The following ADCY5 variants were observed in gnomAD, a reference collection of about 807,000 sequenced individuals.
ADCY5 encodes adenylate cyclase 5.
A neutral mutation model predicts 119.7 loss-of-function variants in ADCY5; 30 were observed. The ratio of observed to expected loss-of-function variants is 0.25; its 90% confidence interval spans 0.19 to 0.34. The LOEUF is 0.34. Among genes scored for constraint, ADCY5 ranks in the 10% least tolerant of loss-of-function variants. The probability of loss-of-function intolerance (pLI) is 1.00; values close to 1 mark genes in which losing one functional copy is unlikely to be tolerated. For synonymous variants in ADCY5, 753 were observed against 762.2 expected, an observed-to-expected ratio of 0.99 and a Z score of 0.20; for missense variants, 1,324 against 1,775.2, an observed-to-expected ratio of 0.75 and a Z score of 4.57.
At chr3:123,305,335 C>T (rs1465469210) in intron 12 of ADCY5, among the ~76,000 whole-genome samples, 2 of 152,228 alleles carry the variant, frequency 1.3e-5, no homozygotes, top group African/African-American at 4.8e-5. Flanking sequence ...GTTGGCCACA[C>T]TGACAGACAG....
chr3:123,369,216 T>A (rs1041779308), intron 1 of ADCY5, among the ~76,000 whole-genome samples: 11 of 152,216 alleles, frequency 7.2e-5, no homozygotes, highest in African/African-American at 2.7e-4. Flanking sequence ...TTTCGCCATG[T>A]GATGCCACCC....
intron 1 of ADCY5, among the ~76,000 whole-genome samples, chr3:123,397,269 A>C (rs981557601): frequency 6.6e-6 from 1 of 152,094 alleles, no homozygotes; most frequent in African/African-American, 2.4e-5. Flanking sequence ...CTTCTGCCCC[A>C]CTTCAAGCAG....
intron 1 of ADCY5, among the ~76,000 whole-genome samples, chr3:123,386,907 G>A (rs6797908): frequency 5.9e-5 from 9 of 151,858 alleles, no homozygotes; most frequent in Non-Finnish European, 1.3e-4. Context: ...GCAGAAACCG[G>A]CCACTCCAAA....
chr3:123,365,843 T>C (rs1943418400), intron 1 of ADCY5, among the ~76,000 whole-genome samples: 1 of 152,002 alleles, frequency 6.6e-6, no homozygotes, highest in Non-Finnish European at 1.5e-5. Flanking sequence ...ACAGCTTGAA[T>C]GAATACAGCA....
intron 1 of ADCY5, among the ~76,000 whole-genome samples, chr3:123,353,430 C>T (rs1359729318): frequency 6.6e-6 from 1 of 152,148 alleles, no homozygotes; most frequent in Admixed American, 6.5e-5. Flanking sequence ...AGGTAGAGCT[C>T]CTGGATATCT....
intron 1 of ADCY5, among the ~76,000 whole-genome samples, chr3:123,432,616 G>A (rs914407382): frequency 2.0e-5 from 3 of 151,908 alleles, no homozygotes; most frequent in Non-Finnish European, 2.9e-5. Context: ...CTACAGCCTC[G>A]ACCTCCTGGG....
chr3:123,297,272 C>T, intron 16 of ADCY5, 81 bp downstream of exon 16: 4 of 1,560,518 alleles, frequency 2.6e-6, no homozygotes, highest in Non-Finnish European at 3.5e-6. Flanking sequence ...CAAGGCCCCT[C>T]CCACCTGGGC....
chr3:123,326,294 CATCT>C (rs965818694), intron 7 of ADCY5, among the ~76,000 whole-genome samples: 2 of 152,220 alleles, frequency 1.3e-5, no homozygotes, highest in Admixed American at 1.3e-4. Context: ...CCCAGGATCT[CATCT>C]ATCTGTCTGT....
intron 3 of ADCY5, among the ~76,000 whole-genome samples, chr3:123,334,908 A>C (rs1482332711): frequency 6.6e-6 from 1 of 152,194 alleles, no homozygotes; most frequent in Non-Finnish European, 1.5e-5. Flanking sequence ...CCCTGCTGTC[A>C]GCTAACTGGA....
chr3:123,396,650 G>C (rs958964555), intron 1 of ADCY5, among the ~76,000 whole-genome samples: 2 of 144,674 alleles, frequency 1.4e-5, no homozygotes, highest in Non-Finnish European at 3.0e-5. Flanking sequence ...GAGACAGAAA[G>C]AGAGAGAGAG....
At chr3:123,374,348 C>A (rs1943748379) in intron 1 of ADCY5, among the ~76,000 whole-genome samples, 1 of 152,138 alleles carries the variant, frequency 6.6e-6, no homozygotes, top group South Asian at 2.1e-4. Flanking sequence ...GGAAGCTTGG[C>A]TTGGTCCCAC....
chr3:123,358,716 T>C (rs114425277), intron 1 of ADCY5, among the ~76,000 whole-genome samples: 1,831 of 152,284 alleles, frequency 0.012, 26 homozygotes, highest in African/African-American at 0.04. Flanking sequence ...AGGGGGAATG[T>C]TTGGAATTCT....
chr3:123,292,682 C>T (rs577684427), intron 17 of ADCY5, among the ~76,000 whole-genome samples: 1 of 152,270 alleles, frequency 6.6e-6, no homozygotes, highest in South Asian at 2.1e-4. Flanking sequence ...CTGTGTCTGG[C>T]TCTGGAACAG....
intron 1 of ADCY5, among the ~76,000 whole-genome samples, chr3:123,442,381 CG>C (rs1462629086): frequency 3.2e-4 from 48 of 152,318 alleles, no homozygotes; most frequent in Non-Finnish European, 1.2e-4. Flanking sequence ...ATGCCTCATG[CG>C]GGAGAGGAGG....
At chr3:123,419,809 C>T (rs1945264076) in intron 1 of ADCY5, among the ~76,000 whole-genome samples, 1 of 152,168 alleles carries the variant, frequency 6.6e-6, no homozygotes, top group East Asian at 1.9e-4. Context: ...CAGCTCTCCC[C>T]AGCTGCTGCT....
chr3:123,356,179 C>A (rs1943030997), intron 1 of ADCY5, among the ~76,000 whole-genome samples: 2 of 152,114 alleles, frequency 1.3e-5, no homozygotes, highest in Admixed American at 6.5e-5. Context: ...AATATGAGAA[C>A]TATAGATATA....
At chr3:123,361,797 T>TA (rs1943258947) in intron 1 of ADCY5, among the ~76,000 whole-genome samples, 1 of 152,244 alleles carries the variant, frequency 6.6e-6, no homozygotes, top group Non-Finnish European at 1.5e-5. Flanking sequence ...TTATGTTTCA[T>TA]AAACATCTTC....
At chr3:123,321,880 A>G (rs1431395532) in intron 8 of ADCY5, among the ~76,000 whole-genome samples, 1 of 152,200 alleles carries the variant, frequency 6.6e-6, no homozygotes, top group Non-Finnish European at 1.5e-5. Context: ...CAGCCTCTGG[A>G]GTCACCTCCA....
At position 123,319,606 on chromosome 3, in the gene ADCY5, T is replaced by G. The variant is rs997875854; in HGVS notation, c.2256+68A>C. On this transcript the variant is annotated intron_variant, in intron 10 of 20. Transcript: ENST00000462833. ...CTGGGGGCATGAGGGAGCCCTCCTG[T>G]TTTCTTGCCCTCCTCCTCCTGGTCC... 10 of 1,583,076 alleles carry G rather than the reference T, an allele frequency of 6.3e-6. No individual in the cohort carries two copies. The African/African-American group carries it at 1.1e-4, about 17-fold the overall frequency.
Sources: gnomAD v4.1 joint callset for allele counts (sites outside exome capture counted in the v4.1 genomes callset) on GRCh38, gnomAD v4.1.1 for gene constraint, MANE v1.5 for transcripts, NCBI Gene and HGNC (gene_info 2026-07-23, HGNC 2026-07-21) for gene names.